LRCH3: variants seen among roughly 807,000 people sequenced by gnomAD.
LRCH3 encodes the protein leucine rich repeats and calponin homology domain containing 3.
Under a neutral mutation model 104.5 loss-of-function variants are expected in LRCH3, and 68 were observed. The ratio of observed to expected loss-of-function variants is 0.65; its 90% CI spans 0.54 to 0.80. The LOEUF is 0.80. Ranked by LOEUF, LRCH3 falls within the 30% of genes least tolerant of loss-of-function variation. The probability of loss-of-function intolerance (pLI) is 0.00; values close to 1 mark genes in which losing one functional copy is unlikely to be tolerated. For missense variants in LRCH3, 951 were observed against 953.9 expected (o/e 1.00, Z 0.04); for synonymous variants, 344 against 361.3 (o/e 0.95, Z 0.54).
At chr3:197,852,302 T>C (rs1739715500) in intron 12 of LRCH3, 1 of 408,042 alleles carries the variant, frequency 2.5e-6, no homozygotes, top group Admixed American at 3.8e-5. Context: ...ATTCGAGTGA[T>C]ACTAAAGCCA....
In LRCH3 at chr3:197,883,376, A is replaced by G. The variant is rs1713953362; in HGVS notation, c.2209-165A>G. On this transcript the variant is annotated intron_variant, in intron 20 of 20. Coordinates refer to ENST00000425562, the MANE Select transcript of LRCH3 (RefSeq NM_001365715.1). This position sits in a 1 kb window ranked among gnomAD's most constrained non-coding sequence, Gnocchi z 4.2. Reference sequence around the variant, plus strand: ...AAAGTGACAGTGAGTGTCAGACACCATCTCTCTAACTCATATTTACACTGA... The same window carrying G: ...AAAGTGACAGTGAGTGTCAGACACCGTCTCTCTAACTCATATTTACACTGA... 8.6e-6 allele frequency: 12 copies of G among 1,396,790 alleles called. No homozygotes were observed. The highest frequency in any genetic ancestry group is 1.1e-5 in the Non-Finnish European group (12 of 1,074,738). The allele number at this position is 1,396,790 out of a possible 1,614,324, so 86.5% of individuals were successfully genotyped here. A position where few individuals can be genotyped will look rare whatever the true frequency, so the allele number is the denominator to read the frequency against.
intron 12 of LRCH3, among the ~76,000 whole-genome samples, chr3:197,851,582 C>T (rs9754677): frequency 0.011 from 1,684 of 152,238 alleles, 31 homozygotes; most frequent in African/African-American, 0.038. Context: ...ACTTGCCGTG[C>T]GCTTGACTTT....
intron 15 of LRCH3, among the ~76,000 whole-genome samples, chr3:197,862,354 T>C (rs1740985020): frequency 6.6e-6 from 1 of 152,238 alleles, no homozygotes; most frequent in African/African-American, 2.4e-5. Context: ...TTGTTTCAGC[T>C]CTTCTCATCT....
intron 12 of LRCH3, 56 bp from the exon 13 acceptor site, chr3:197,852,505 G>T: frequency 6.9e-7 from 1 of 1,449,764 alleles, no homozygotes. Flanking sequence ...TTTGTTATTT[G>T]CAGTGTTCCA....
At chr3:197,838,860 A>G (rs551675106) in intron 9 of LRCH3, among the ~76,000 whole-genome samples, 1 of 152,330 alleles carries the variant, frequency 6.6e-6, no homozygotes, top group African/African-American at 2.4e-5. Context: ...ATAAGAGACA[A>G]TTTGTTGTGA....
At chr3:197,879,395 C>T (rs572299305) in intron 20 of LRCH3, among the ~76,000 whole-genome samples, 4 of 152,222 alleles carry the variant, frequency 2.6e-5, no homozygotes, top group South Asian at 2.1e-4. Flanking sequence ...GCCTGTAATC[C>T]CAGCACTTTG....
At chr3:197,851,384 A>G (rs1739572189) in intron 12 of LRCH3, among the ~76,000 whole-genome samples, 1 of 152,190 alleles carries the variant, frequency 6.6e-6, no homozygotes. Flanking sequence ...AAACTAATTG[A>G]CTTGCGTTAG....
intron 2 of LRCH3, among the ~76,000 whole-genome samples, chr3:197,816,652 G>A (rs1418513087): frequency 6.6e-6 from 1 of 152,068 alleles, no homozygotes; most frequent in East Asian, 1.9e-4. Flanking sequence ...TTCTTTACCT[G>A]TAACTTAGTT....
intron 1 of LRCH3, among the ~76,000 whole-genome samples, chr3:197,800,150 A>T (rs1731710912): frequency 6.6e-6 from 1 of 151,934 alleles, no homozygotes; most frequent in Non-Finnish European, 1.5e-5. Context: ...GATCACGCTG[A>T]TCGCACCACT....
rs1253294089 is a variant in LRCH3 at position 197,791,410 on chromosome 3, G to T, written c.132G>T (p.Ser44=). Reference sequence around the variant, plus strand: ...CAGGCCCTGGTTTTGGCCCGGGCTCGTGGAGCCGCTCTCTCGATCGAGCCC... The same window carrying T: ...CAGGCCCTGGTTTTGGCCCGGGCTCTTGGAGCCGCTCTCTCGATCGAGCCC... ...SGAGPGFGPG[S]WSRSLDRALE... Residue 44 remains serine (S), a synonymous_variant, in exon 1 of 21, where the codon TCG becomes TCT. Transcript: ENST00000425562. 1.3e-6 allele frequency: 2 copies of T among 1,592,756 alleles called. No individual in the cohort carries two copies. Among genetic ancestry groups the T allele is most frequent in the African/African-American group, 2.7e-5 (2 of 74,446 alleles).
intron 1 of LRCH3, among the ~76,000 whole-genome samples, chr3:197,797,874 CAAAAAAAACAAAAAAAAAA>C: frequency 6.3e-5 from 1 of 15,786 alleles, no homozygotes; most frequent in African/African-American, 1.1e-4. Context: ...AAAAAAAAAA[CAAAAAAAACAAAAAAAAAA>C]ACAAAACCAG....
At chr3:197,862,149 C>T (rs1455459289) in intron 15 of LRCH3, among the ~76,000 whole-genome samples, 1 of 152,144 alleles carries the variant, frequency 6.6e-6, no homozygotes, top group South Asian at 2.1e-4. Context: ...GCGCATGCCA[C>T]CACGCCCAGC....
At position 197,856,311 on chromosome 3, in the gene LRCH3, A is replaced by ATAGT. The variant is rs1740242484; in HGVS notation, c.1644+1867_1644+1870dup. On this transcript the variant is annotated intron_variant, in intron 14 of 20. Transcript: ENST00000425562. This position sits in a 1 kb window ranked among gnomAD's most constrained non-coding sequence, Gnocchi z 4.2. Reference sequence around the variant, plus strand: ...TGAAAAGGAGGCCCGGGAAGTATACATAGTGTATTACTGTTGTCACGGTAA... The same window carrying ATAGT: ...TGAAAAGGAGGCCCGGGAAGTATACATAGTTAGTGTATTACTGTTGTCACGGTAA... Among the ~76,000 whole-genome samples the ATAGT allele has an allele frequency of 6.6e-6, 1 of 152,204 alleles. No homozygotes were observed. Among genetic ancestry groups the ATAGT allele is most frequent in the Admixed American group, 6.5e-5 (1 of 15,280 alleles).
chr3:197,800,164 C>G (rs1731714975), intron 1 of LRCH3, among the ~76,000 whole-genome samples: 1 of 151,900 alleles, frequency 6.6e-6, no homozygotes, highest in African/African-American at 2.4e-5. Context: ...CACCACTATA[C>G]TCCACTCCAG....
At chr3:197,849,074 G>C (rs1384872945) in intron 12 of LRCH3, among the ~76,000 whole-genome samples, 1 of 152,026 alleles carries the variant, frequency 6.6e-6, no homozygotes, top group East Asian at 1.9e-4. Context: ...GACCAGCCTG[G>C]CCAACATGGC....
chr3:197,873,908 C>A (rs192689232), intron 19 of LRCH3, among the ~76,000 whole-genome samples: 45 of 151,746 alleles, frequency 3.0e-4, no homozygotes, highest in Middle Eastern at 3.4e-3. Context: ...GTAGTCCCAG[C>A]TACTTGGGAG....
At chr3:197,835,099 G>A (rs193298605) in intron 8 of LRCH3, among the ~76,000 whole-genome samples, 4 of 152,244 alleles carry the variant, frequency 2.6e-5, no homozygotes, top group Admixed American at 2.6e-4. Flanking sequence ...AGCCAAGATT[G>A]CACCACTGCA....
chr3:197,838,020 A>G (rs1737114328), intron 9 of LRCH3, among the ~76,000 whole-genome samples: 1 of 151,872 alleles, frequency 6.6e-6, no homozygotes, highest in Non-Finnish European at 1.5e-5. Flanking sequence ...AGATTGTGCT[A>G]CTGCACTCCA....
At chr3:197,826,413 T>G (rs1426183705) in intron 4 of LRCH3, among the ~76,000 whole-genome samples, 1 of 152,208 alleles carries the variant, frequency 6.6e-6, no homozygotes, top group Non-Finnish European at 1.5e-5. Context: ...CTGACTTTTG[T>G]CATCCTATTG....
Sources: allele counts gnomAD v4.1 joint callset (sites outside exome capture counted in the v4.1 genomes callset), GRCh38; gene constraint gnomAD v4.1.1; non-coding constraint Gnocchi (gnomAD v3.1); transcripts MANE v1.5; gene names NCBI Gene and HGNC (gene_info 2026-07-23, HGNC 2026-07-21).